Variants in GALNT13 observed in about 807,000 individuals in gnomAD.
GALNT13 encodes the protein polypeptide N-acetylgalactosaminyltransferase 13.
GALNT13 carries 28 observed loss-of-function variants against 64.2 expected under a neutral mutation model. The ratio of observed to expected loss-of-function variants is 0.44; its 90% CI spans 0.32 to 0.60. The LOEUF is 0.60. GALNT13 is among the 20% of genes least tolerant of loss of function. The pLI is 0.05. For synonymous variants in GALNT13, 214 were observed against 224.6 expected (o/e 0.95, Z 0.42); for missense variants, 577 against 669.8 (o/e 0.86, Z 1.53).
chr2:153,458,240 G>GTT, the GALNT13 span, among the ~76,000 whole-genome samples: 10 of 150,974 alleles, frequency 6.6e-5, no homozygotes, highest in Non-Finnish European at 1.0e-4. Context: ...AAAATCAGTA[G>GTT]TTTTTTTTTG....
At chr2:154,240,592 G>A (rs1219511551) in intron 4 of GALNT13, among the ~76,000 whole-genome samples, 2 of 152,134 alleles carry the variant, frequency 1.3e-5, no homozygotes, top group Non-Finnish European at 2.9e-5. Flanking sequence ...AAATCTCTAG[G>A]GCAGTATATG....
intron 3 of GALNT13, among the ~76,000 whole-genome samples, chr2:154,088,399 C>G (rs943708923): frequency 3.9e-5 from 6 of 152,056 alleles, no homozygotes; most frequent in African/African-American, 1.4e-4. Flanking sequence ...TGCTATATAT[C>G]CAGCTAATCA....
At chr2:153,547,815 G>A in the GALNT13 span, among the ~76,000 whole-genome samples, 1 of 152,224 alleles carries the variant, frequency 6.6e-6, no homozygotes, top group South Asian at 2.1e-4. Flanking sequence ...GGCAAACTGG[G>A]GTTTGACTCC....
intron 9 of GALNT13, among the ~76,000 whole-genome samples, chr2:154,345,643 T>G (rs1405210243): frequency 6.6e-6 from 1 of 152,060 alleles, no homozygotes; most frequent in East Asian, 1.9e-4. Context: ...GAATTGCTTT[T>G]GAGACCCACT....
intron 12 of GALNT13, chr2:154,445,834 A>G (rs1163681453): frequency 1.6e-6 from 2 of 1,288,438 alleles, no homozygotes; most frequent in Admixed American, 4.6e-5. Context: ...GCAGGCACGG[A>G]GCTTCAAGAT....
chr2:153,942,434 A>G (rs1478784011), intron 2 of GALNT13, among the ~76,000 whole-genome samples: 1 of 152,140 alleles, frequency 6.6e-6, no homozygotes, highest in Non-Finnish European at 1.5e-5. Flanking sequence ...CTATCTTAAG[A>G]CTGAAGACAG....
Position 154,269,973 on chromosome 2 carries a change from G to A in GALNT13, c.975+10835G>A, listed in dbSNP as rs373389895. Among the ~76,000 whole-genome samples, 19 of 124,872 alleles carry A rather than the reference G, an allele frequency of 1.5e-4. No individual in the cohort carries two copies. The East Asian group carries it at 5.2e-3, about 34-fold the overall frequency. The allele number at this position is 124,872 out of a possible 152,430, so 81.9% of individuals were successfully genotyped here. A position where few individuals can be genotyped will look rare whatever the true frequency, so the allele number is the denominator to read the frequency against. On this transcript the variant is annotated intron_variant, in intron 8 of 12. Transcript: ENST00000392825. ...GTGTCACAGAATAATATTTCATTAT[G>A]GTTCCTAATAGAATTCTGTTTATCC...
chr2:153,150,962 T>C, the GALNT13 span, among the ~76,000 whole-genome samples: 1 of 152,076 alleles, frequency 6.6e-6, no homozygotes, highest in Non-Finnish European at 1.5e-5. Flanking sequence ...GCGGGCTCTT[T>C]TTTGGTTCCA....
the GALNT13 span, among the ~76,000 whole-genome samples, chr2:153,349,495 A>C: frequency 2.0e-3 from 312 of 152,338 alleles, 1 homozygote; most frequent in African/African-American, 7.0e-3. Flanking sequence ...AGTGCTTGGA[A>C]TTAGTAGCTT....
At chr2:153,455,318 G>A in the GALNT13 span, among the ~76,000 whole-genome samples, 3 of 152,294 alleles carry the variant, frequency 2.0e-5, no homozygotes, top group African/African-American at 7.2e-5. Context: ...AAGGCAGCTG[G>A]GAAGTACTGA....
the GALNT13 span, among the ~76,000 whole-genome samples, chr2:153,261,780 G>T: frequency 6.6e-6 from 1 of 152,008 alleles, no homozygotes; most frequent in African/African-American, 2.4e-5. Context: ...ATGAGACAAA[G>T]TCCTTCCCAC....
At chr2:154,199,765 T>G (rs1434258427) in intron 4 of GALNT13, among the ~76,000 whole-genome samples, 2 of 152,122 alleles carry the variant, frequency 1.3e-5, no homozygotes, top group Admixed American at 1.3e-4. Context: ...TCTGCAATTT[T>G]CTAAAAATCT....
At chr2:153,964,903 T>C (rs1421729756) in intron 3 of GALNT13, among the ~76,000 whole-genome samples, 5 of 152,256 alleles carry the variant, frequency 3.3e-5, no homozygotes. Context: ...CAATATTTTA[T>C]CATATGTCTA....
the GALNT13 span, among the ~76,000 whole-genome samples, chr2:153,503,764 A>G: frequency 6.6e-6 from 1 of 152,104 alleles, no homozygotes; most frequent in Non-Finnish European, 1.5e-5. Flanking sequence ...TTATACAAGT[A>G]CCATGCTGTT....
chr2:153,205,868 T>C, the GALNT13 span, among the ~76,000 whole-genome samples: 1 of 152,084 alleles, frequency 6.6e-6, no homozygotes, highest in South Asian at 2.1e-4. Flanking sequence ...AATTTACACA[T>C]GCCAGACTAA....
At chr2:154,311,967 T>C (rs953540681) in intron 9 of GALNT13, among the ~76,000 whole-genome samples, 2 of 152,234 alleles carry the variant, frequency 1.3e-5, no homozygotes, top group African/African-American at 4.8e-5. Flanking sequence ...CTGTTCTTTT[T>C]TCAGGGTGCC....
At chr2:153,872,584 C>A (rs1686028520) in intron 1 of GALNT13, among the ~76,000 whole-genome samples, 1 of 137,412 alleles carries the variant, frequency 7.3e-6, no homozygotes, top group East Asian at 2.6e-4. Flanking sequence ...ACCTTCTGCT[C>A]TGCTTTTCTG....
At chr2:153,932,201 G>T (rs1460779172) in intron 2 of GALNT13, among the ~76,000 whole-genome samples, 9 of 151,660 alleles carry the variant, frequency 5.9e-5, no homozygotes, top group Admixed American at 5.9e-4. Flanking sequence ...TCTAACTAGT[G>T]GTTTATTAAT....
chr2:153,640,220 G>C, the GALNT13 span, among the ~76,000 whole-genome samples: 1 of 152,042 alleles, frequency 6.6e-6, no homozygotes, highest in Non-Finnish European at 1.5e-5. Flanking sequence ...AGCTCAAAGA[G>C]CACCAATATT....
Sources: gnomAD v4.1 joint callset for allele counts (sites outside exome capture counted in the v4.1 genomes callset) on GRCh38, gnomAD v4.1.1 for gene constraint, MANE v1.5 for transcripts, NCBI Gene and HGNC (gene_info 2026-07-23, HGNC 2026-07-21) for gene names.